The following PLAC1 variants were observed in gnomAD, a reference collection of about 807,000 sequenced individuals.
PLAC1 encodes placenta-specific protein 1.
For synonymous variants in PLAC1, 68 were observed against 62.1 expected (o/e 1.09, Z -0.44); for missense variants, 136 against 163.2 (o/e 0.83, Z 0.91).
intron 1 of PLAC1, among the ~76,000 whole-genome samples, chrX:134,750,864 TATATATATATATTTATAAA>T (rs2078741314): frequency 1.8e-4 from 3 of 16,806 alleles, no homozygotes; most frequent in African/African-American, 1.6e-3. Context: ...TATATATTTT[TATATATATATATTTATAAA>T]TATATATATA....
At chrX:134,736,565 A>T (rs1012052914) in intron 1 of PLAC1, among the ~76,000 whole-genome samples, 3 of 111,641 alleles carry the variant, frequency 2.7e-5, no homozygotes, top group Admixed American at 1.9e-4. Context: ...CCCCACCAAC[A>T]GGGTGGTCTC....
chrX:134,728,985 C>T (rs1002966807), intron 2 of PLAC1, among the ~76,000 whole-genome samples: 1 of 111,174 alleles, frequency 9.0e-6, no homozygotes, highest in East Asian at 2.8e-4. Context: ...AAGTTTAAAC[C>T]CCTTGCTATG....
intron 1 of PLAC1, among the ~76,000 whole-genome samples, chrX:134,752,340 G>A (rs1046453961): frequency 1.8e-5 from 2 of 111,149 alleles, no homozygotes; most frequent in Non-Finnish European, 3.8e-5. Flanking sequence ...TGAAAAACCC[G>A]TCACTTTCAG....
At chrX:134,644,953 C>T (rs2078325859) in intron 1 of PLAC1, among the ~76,000 whole-genome samples, 1 of 111,717 alleles carries the variant, frequency 9.0e-6, no homozygotes, top group Admixed American at 9.5e-5. Flanking sequence ...CTACTATCGT[C>T]AAGTCACTCT....
intron 2 of PLAC1, among the ~76,000 whole-genome samples, chrX:134,679,262 T>C (rs2066622363): frequency 1.8e-5 from 2 of 111,176 alleles, no homozygotes. Flanking sequence ...AGTTCGGTAT[T>C]GTCTGAGATG....
At chrX:134,628,497 C>G (rs1226666160) in intron 1 of PLAC1, among the ~76,000 whole-genome samples, 3 of 112,122 alleles carry the variant, frequency 2.7e-5, no homozygotes, top group East Asian at 5.6e-4. Flanking sequence ...TCCCAATGCC[C>G]TTGACCCTTT....
intron 1 of PLAC1, among the ~76,000 whole-genome samples, chrX:134,621,464 A>G (rs997556197): frequency 9.2e-6 from 1 of 108,235 alleles, no homozygotes; most frequent in African/African-American, 3.4e-5. Flanking sequence ...AAAAAAAAAA[A>G]AAAAAAAAAG....
At chrX:134,699,466 T>A (rs925612636) in intron 2 of PLAC1, among the ~76,000 whole-genome samples, 1 of 112,011 alleles carries the variant, frequency 8.9e-6, no homozygotes, top group African/African-American at 3.2e-5. Context: ...TCCAGAACTG[T>A]GAGAATAAAT....
intron 2 of PLAC1, among the ~76,000 whole-genome samples, chrX:134,678,232 T>C (rs1357814091): frequency 8.9e-6 from 1 of 111,984 alleles, no homozygotes; most frequent in Admixed American, 9.4e-5. Flanking sequence ...GTTCTTTCCA[T>C]GGCCCACAAC....
chrX:134,704,244 A>C (rs931533807), intron 2 of PLAC1, among the ~76,000 whole-genome samples: 4 of 110,286 alleles, frequency 3.6e-5, no homozygotes, highest in Non-Finnish European at 7.6e-5. Flanking sequence ...CTGTAATCCC[A>C]GCACTTCAGG....
At chrX:134,729,350 C>T (rs1359435822) in intron 2 of PLAC1, among the ~76,000 whole-genome samples, 1 of 111,732 alleles carries the variant, frequency 8.9e-6, no homozygotes, top group Non-Finnish European at 1.9e-5. Flanking sequence ...CTAGATCTAC[C>T]CACCTAAGAA....
At chrX:134,583,760 A>G (rs1455426005) in intron 2 of PLAC1, among the ~76,000 whole-genome samples, 1 of 110,399 alleles carries the variant, frequency 9.1e-6, no homozygotes, top group African/African-American at 3.3e-5. Context: ...TCCCAACTAG[A>G]GTCCCATCAA....
At chrX:134,653,732 AG>A (rs765284608) in intron 1 of PLAC1, among the ~76,000 whole-genome samples, 40 of 111,710 alleles carry the variant, frequency 3.6e-4, no homozygotes, top group African/African-American at 1.2e-3. Context: ...CGCTTCTAGT[AG>A]GAGTTCAATT....
At chrX:134,695,306 A>T (rs1006656436) in intron 2 of PLAC1, among the ~76,000 whole-genome samples, 1 of 111,267 alleles carries the variant, frequency 9.0e-6, no homozygotes, top group Admixed American at 9.6e-5. Context: ...GCTGGGGGGG[A>T]TATCAAATCC....
At chrX:134,715,683 G>C (rs150973427) in intron 2 of PLAC1, among the ~76,000 whole-genome samples, 4 of 111,906 alleles carry the variant, frequency 3.6e-5, no homozygotes, top group African/African-American at 1.3e-4. Context: ...GCCTTGAATG[G>C]ACTAATTAAT....
At chrX:134,657,653 C>A (rs1201996557) in intron 1 of PLAC1, among the ~76,000 whole-genome samples, 1 of 110,733 alleles carries the variant, frequency 9.0e-6, no homozygotes, top group Admixed American at 9.6e-5. Flanking sequence ...CATTGTGCTA[C>A]CAGTGGTGGT....
intron 1 of PLAC1, among the ~76,000 whole-genome samples, chrX:134,644,011 G>A (rs1213609012): frequency 1.8e-5 from 2 of 110,081 alleles, no homozygotes; most frequent in Non-Finnish European, 3.8e-5. Flanking sequence ...TTTGTAAAGT[G>A]TTCATAATAA....
At chrX:134,763,186 G>A (rs893320475) in intron 1 of PLAC1, among the ~76,000 whole-genome samples, 1 of 111,098 alleles carries the variant, frequency 9.0e-6, no homozygotes, top group Non-Finnish European at 1.9e-5. Flanking sequence ...ACAGGTCTCC[G>A]AGGGAGATGG....
intron 1 of PLAC1, among the ~76,000 whole-genome samples, chrX:134,629,959 T>C (rs929713738): frequency 9.4e-6 from 1 of 106,294 alleles, no homozygotes; most frequent in Non-Finnish European, 1.9e-5. Context: ...TCTTTCTTCC[T>C]CTTCTTCCCT....
Sources: gnomAD v4.1 joint callset for allele counts (sites outside exome capture counted in the v4.1 genomes callset) on GRCh38, gnomAD v4.1.1 for gene constraint, MANE v1.5 for transcripts, NCBI Gene and HGNC (gene_info 2026-07-23, HGNC 2026-07-21) for gene names.